Variants in PRKCZ observed in about 807,000 individuals in gnomAD.
PRKCZ encodes the protein protein kinase C zeta, also known as protein kinase C zeta type.
PRKCZ carries 33 observed loss-of-function variants against 79.5 expected under a neutral mutation model. The observed-to-expected ratio is 0.41, with a 90% CI of 0.31 to 0.55. The LOEUF is 0.55. PRKCZ is among the 20% of genes least tolerant of loss of function. The pLI is 0.19. For synonymous variants in PRKCZ, 342 were observed against 320.9 expected (o/e 1.07, Z -0.70); for missense variants, 578 against 813.5 (o/e 0.71, Z 3.52).
At chr1:2,181,905 C>T (rs1286795288) in intron 16 of PRKCZ, 2 of 456,232 alleles carry the variant, frequency 4.4e-6, no homozygotes, top group African/African-American at 2.0e-5. Flanking sequence ...CTGCTGTGCG[C>T]ACACCACAGG....
At chr1:2,077,648 A>G (rs983938664) in intron 4 of PRKCZ, among the ~76,000 whole-genome samples, 1 of 152,212 alleles carries the variant, frequency 6.6e-6, no homozygotes, top group Non-Finnish European at 1.5e-5. Context: ...TGGGACTCAC[A>G]AAGAGAGAAC....
At chr1:2,136,652 C>T (rs1297035760) in intron 5 of PRKCZ, among the ~76,000 whole-genome samples, 1 of 152,080 alleles carries the variant, frequency 6.6e-6, no homozygotes, top group Non-Finnish European at 1.5e-5. Flanking sequence ...CAGTTTGGCT[C>T]AGGCTGGGAC....
chr1:2,069,682 C>T (rs576488283), intron 4 of PRKCZ, among the ~76,000 whole-genome samples: 44 of 152,224 alleles, frequency 2.9e-4, no homozygotes, highest in Admixed American at 7.9e-4. Flanking sequence ...TGGCAGTAAG[C>T]GAGGGACCTC....
chr1:2,137,731 G>A (rs1676505765), intron 5 of PRKCZ, among the ~76,000 whole-genome samples: 1 of 152,212 alleles, frequency 6.6e-6, no homozygotes, highest in Non-Finnish European at 1.5e-5. Flanking sequence ...AGTCCATTCT[G>A]CCGATGGCAG....
At position 2,167,225 on chromosome 1, in the gene PRKCZ, C is replaced by A. The variant is rs1683509914; in HGVS notation, c.975-2293C>A. Among the ~76,000 whole-genome samples the A allele has an allele frequency of 3.3e-5, 5 of 152,354 alleles. No individual in the cohort carries two copies. In the South Asian group the frequency reaches 1.0e-3, roughly 32 times the overall value. On this transcript the variant is annotated intron_variant, in intron 10 of 17. Coordinates refer to ENST00000378567, the MANE Select transcript of PRKCZ (RefSeq NM_002744.6). ...GAGAGAACTGGCTTTCAGCACAGTT[C>A]CCGTGATTGGCTTTTCTCTGGAGAA...
rs988146447 is a variant in PRKCZ at position 2,128,371 on chromosome 1, G to A, written c.335-6891G>A. The stretch of plus-strand genomic sequence containing the variant: ...CCCCCTGACCTGCTGCCAGGGACTC[G>A]GCCCCTCCCTCACCGCCACCGCACC... On this transcript the variant is annotated intron_variant, in intron 4 of 17. Transcript: ENST00000378567. The surrounding 1 kb of genome is among the most constrained non-coding windows in gnomAD (Gnocchi z 6.5). Among the ~76,000 whole-genome samples, 6 of 152,306 alleles carry A rather than the reference G, an allele frequency of 3.9e-5. No individual in the cohort carries two copies. Among genetic ancestry groups the A allele is most frequent in the African/African-American group, 1.4e-4 (6 of 41,558 alleles).
chr1:2,161,040 G>A (rs913561479), intron 10 of PRKCZ, among the ~76,000 whole-genome samples: 2 of 152,140 alleles, frequency 1.3e-5, no homozygotes, highest in South Asian at 2.1e-4. Context: ...GGAAGGGCAG[G>A]TGCCTCTTCT....
At chr1:2,144,754 A>T in intron 6 of PRKCZ, 4 of 551,204 alleles carry the variant, frequency 7.3e-6, no homozygotes, top group South Asian at 6.1e-5. Context: ...CCCCCTGGGA[A>T]GCCATGCCCA....
intron 10 of PRKCZ, among the ~76,000 whole-genome samples, chr1:2,159,227 G>A (rs1454148947): frequency 6.6e-6 from 1 of 152,258 alleles, no homozygotes; most frequent in Admixed American, 6.5e-5. Flanking sequence ...AGACACCCAC[G>A]TGAAGCAAAG....
chr1:2,076,088 G>A (rs1662355299), intron 4 of PRKCZ, among the ~76,000 whole-genome samples: 1 of 152,218 alleles, frequency 6.6e-6, no homozygotes, highest in Non-Finnish European at 1.5e-5. Flanking sequence ...CTGTCACAGG[G>A]CCAGGCCCCT....
intron 4 of PRKCZ, among the ~76,000 whole-genome samples, chr1:2,089,744 T>G (rs1386991552): frequency 1.3e-5 from 2 of 152,166 alleles, no homozygotes; most frequent in African/African-American, 4.8e-5. Flanking sequence ...CTGGGGCCGC[T>G]GTAGCAACGT....
In PRKCZ at chr1:2,185,072, G is replaced by A. The variant is rs1572080062; in HGVS notation, c.*63G>A. On this transcript the variant is annotated 3_prime_UTR_variant, in exon 18 of 18. Transcript: ENST00000378567. ...CCCTTTAACTGTATCCTTAACCACC[G>A]CATATGCATGCCAGGCTGGGCACGG... The A allele has an allele frequency of 1.2e-5, 18 of 1,441,908 alleles. No homozygotes were observed. Among genetic ancestry groups the A allele is most frequent in the South Asian group, 3.6e-5 (3 of 82,830 alleles). 89.3% of individuals were successfully genotyped at this position (1,441,908 alleles called of 1,614,324 possible).
At chr1:2,081,018 G>A (rs958240105) in intron 4 of PRKCZ, among the ~76,000 whole-genome samples, 9 of 152,166 alleles carry the variant, frequency 5.9e-5, no homozygotes, top group African/African-American at 2.2e-4. Context: ...TGCTGGCCTT[G>A]CGTGTCACCT....
chr1:2,094,468 C>T lies in PRKCZ; in HGVS notation c.334+34877C>T, dbSNP rs914885507. On this transcript the variant is annotated intron_variant, in intron 4 of 17. Transcript: ENST00000378567. The surrounding 1 kb of genome is among the most constrained non-coding windows in gnomAD (Gnocchi z 7.3). ...ACCCGCTGTGCCCGGCTCGTTGAAC[C>T]TTGGGCGCTGCCCGTTCTGAGGCGC... is the stretch of plus-strand genomic sequence containing the variant. Among the ~76,000 whole-genome samples, 1 of 146,798 alleles carries T rather than the reference C, an allele frequency of 6.8e-6. No individual in the cohort carries two copies. Among genetic ancestry groups the T allele is most frequent in the Non-Finnish European group, 1.5e-5 (1 of 66,660 alleles).
At chr1:2,181,098 C>T (rs1322781234) in intron 16 of PRKCZ, among the ~76,000 whole-genome samples, 2 of 151,332 alleles carry the variant, frequency 1.3e-5, no homozygotes, top group Non-Finnish European at 3.0e-5. Flanking sequence ...ACCCCACCCC[C>T]GCCACCTCCA....
intron 4 of PRKCZ, among the ~76,000 whole-genome samples, chr1:2,110,470 CAG>C (rs1260703606): frequency 1.4e-5 from 2 of 141,388 alleles, no homozygotes; most frequent in African/African-American, 4.9e-5. Context: ...ATGGGGGAAA[CAG>C]AGACTCCTCT....
upstream of PRKCZ, among the ~76,000 whole-genome samples, chr1:2,050,318 C>T (rs1286994052): frequency 1.8e-4 from 27 of 151,488 alleles, no homozygotes; most frequent in Non-Finnish European, 3.4e-4. Context: ...CAGGTGGCGG[C>T]CCCGCCTCGC....
intron 4 of PRKCZ, among the ~76,000 whole-genome samples, chr1:2,126,696 C>T (rs1179291880): frequency 6.6e-6 from 1 of 152,204 alleles, no homozygotes; most frequent in East Asian, 1.9e-4. Flanking sequence ...AATGGCATTG[C>T]GCAGCTCCAC....
intron 1 of PRKCZ, 147 bp downstream of exon 1, chr1:2,050,848 C>A: frequency 2.2e-6 from 1 of 458,298 alleles, no homozygotes; most frequent in Non-Finnish European, 3.5e-6. Context: ...GGTCCTCGGT[C>A]CCCGCCCGTG....
Sources: allele counts gnomAD v4.1 joint callset (sites outside exome capture counted in the v4.1 genomes callset), GRCh38; gene constraint gnomAD v4.1.1; non-coding constraint Gnocchi (gnomAD v3.1); transcripts MANE v1.5; gene names NCBI Gene and HGNC (gene_info 2026-07-23, HGNC 2026-07-21).